The following AHRR variants were observed in gnomAD, a reference collection of about 807,000 sequenced individuals.
AHRR encodes the protein aryl hydrocarbon receptor repressor, also known as ahR repressor.
In AHRR, 28 loss-of-function variants were observed where a neutral mutation model predicts 44.0. That is an observed-to-expected ratio of 0.64 (90% CI 0.47 to 0.87). The LOEUF (loss-of-function observed/expected upper bound fraction) is 0.87. AHRR is among the 40% of genes least tolerant of loss of function. The pLI is 0.00. For synonymous variants in AHRR, 434 were observed against 407.0 expected, an observed-to-expected ratio of 1.07 and a Z score of -0.80; for missense variants, 990 against 953.9, an observed-to-expected ratio of 1.04 and a Z score of -0.50.
intron 3 of AHRR, among the ~76,000 whole-genome samples, chr5:354,991 C>T (rs1249868952): frequency 2.6e-5 from 4 of 152,362 alleles, no homozygotes; most frequent in East Asian, 1.9e-4. Flanking sequence ...CCCGGCTGGC[C>T]GCAGCCTCCA....
At chr5:369,915 G>C (rs966494832) in intron 3 of AHRR, among the ~76,000 whole-genome samples, 9 of 152,250 alleles carry the variant, frequency 5.9e-5, no homozygotes, top group Non-Finnish European at 1.3e-4. Flanking sequence ...CGAAAGCCTT[G>C]AGGCTCTGGT....
At chr5:432,695 G>C in intron 9 of AHRR, 111 bp from the exon 10 acceptor site, 2 of 1,570,588 alleles carry the variant, frequency 1.3e-6, no homozygotes, top group Non-Finnish European at 1.7e-6. Context: ...GCTCTGGTCT[G>C]TGCATTTCTG....
intron 7 of AHRR, among the ~76,000 whole-genome samples, chr5:424,591 T>C (rs1193309851): frequency 1.3e-5 from 2 of 151,922 alleles, no homozygotes; most frequent in South Asian, 4.2e-4. Flanking sequence ...TCGATGAGAA[T>C]GTAAAACTCT....
At chr5:355,367 A>G (rs1442536280) in intron 3 of AHRR, among the ~76,000 whole-genome samples, 1 of 152,180 alleles carries the variant, frequency 6.6e-6, no homozygotes, top group African/African-American at 2.4e-5. Context: ...CACGCCTTTC[A>G]TGGATGGCGC....
chr5:430,436 C>T (rs200193478), intron 8 of AHRR, among the ~76,000 whole-genome samples: 6 of 152,250 alleles, frequency 3.9e-5, no homozygotes, highest in East Asian at 3.8e-4. Context: ...GCAGAGGATA[C>T]GGCCGAGGGC....
chr5:399,515 G>A (rs1023938114), intron 4 of AHRR, among the ~76,000 whole-genome samples: 1 of 152,220 alleles, frequency 6.6e-6, no homozygotes, highest in South Asian at 2.1e-4. Context: ...CAGAGACAGC[G>A]GGTGCTGCCC....
At chr5:345,181 GAT>G (rs1491268671) in intron 2 of AHRR, among the ~76,000 whole-genome samples, 1 of 7,368 alleles carries the variant, frequency 1.4e-4, no homozygotes, top group Non-Finnish European at 2.7e-4. Flanking sequence ...TGTGTGTGGG[GAT>G]GTGTGTGTGT....
intron 1 of AHRR, chr5:322,540 C>T (rs1163748750): frequency 2.0e-5 from 3 of 152,108 alleles, no homozygotes; most frequent in African/African-American, 7.2e-5. Flanking sequence ...CACAGGCTCT[C>T]GTCTGCGGGG....
intron 4 of AHRR, among the ~76,000 whole-genome samples, chr5:391,372 A>AC (rs1560904203): frequency 9.1e-6 from 1 of 109,944 alleles, no homozygotes; most frequent in Non-Finnish European, 1.7e-5. Context: ...CAGAGCGTGC[A>AC]TGGGCGCAGG....
At chr5:329,976 G>A (rs550636306) in intron 1 of AHRR, among the ~76,000 whole-genome samples, 5 of 152,140 alleles carry the variant, frequency 3.3e-5, no homozygotes, top group Non-Finnish European at 7.4e-5. Flanking sequence ...CTGCCTGATC[G>A]CTCTGGATAG....
Position 427,751 on chromosome 5 carries a change from C to T in AHRR, c.709-56C>T. ...CGCCCTTGAGTTCTGTGTCCTGTGA[C>T]CACCTTGCCAGGCCACTTGGTGAAC... On this transcript the variant is annotated intron_variant, in intron 7 of 10. Coordinates refer to ENST00000684583, the MANE Select transcript of AHRR (RefSeq NM_001377236.1). 2.5e-6 allele frequency: 4 copies of T among 1,611,926 alleles called. No homozygotes were observed. The South Asian group carries it at 3.3e-5, about 13-fold the overall frequency.
intron 3 of AHRR, among the ~76,000 whole-genome samples, chr5:367,171 TG>T (rs1017173758): frequency 6.6e-6 from 1 of 152,214 alleles, no homozygotes; most frequent in Admixed American, 6.5e-5. Context: ...AGTGAGTCCC[TG>T]GGGGGTCGCC....
At position 370,250 on chromosome 5, in the gene AHRR, G is replaced by C. The variant is rs960613570; in HGVS notation, c.245-6360G>C. 6.7e-6 allele frequency among the ~76,000 whole-genome samples: 1 copy of C among 150,152 alleles called. No individual in the cohort carries two copies. Among genetic ancestry groups the C allele is most frequent in the Non-Finnish European group, 1.5e-5 (1 of 67,360 alleles). On this transcript the variant is annotated intron_variant, in intron 3 of 10. Coordinates refer to ENST00000684583, the MANE Select transcript of AHRR (RefSeq NM_001377236.1). This position sits in a 1 kb window ranked among gnomAD's most constrained non-coding sequence, Gnocchi z 4.5. ...GCCCCGTCCTCCCGGGCCCTCGCTG[G>C]TGCCCCGACCTCCTGGGCCCTCGCT...
intron 4 of AHRR, among the ~76,000 whole-genome samples, chr5:377,520 C>G (rs1372934792): frequency 6.6e-6 from 1 of 152,140 alleles, no homozygotes; most frequent in East Asian, 1.9e-4. Context: ...CAGGAGGGCA[C>G]CAGCCAACCC....
At chr5:324,188 T>G (rs985574437) in intron 1 of AHRR, among the ~76,000 whole-genome samples, 1 of 151,500 alleles carries the variant, frequency 6.6e-6, no homozygotes, top group African/African-American at 2.4e-5. Context: ...GCCTCCCAAG[T>G]AGCTGGGACT....
At chr5:363,789 G>C (rs1482250740) in intron 3 of AHRR, among the ~76,000 whole-genome samples, 1 of 152,166 alleles carries the variant, frequency 6.6e-6, no homozygotes, top group Admixed American at 6.5e-5. Flanking sequence ...GTTGGGTGGG[G>C]ACAGACTGAG....
chr5:433,252 C>T (rs919784196), intron 10 of AHRR, among the ~76,000 whole-genome samples: 2 of 152,126 alleles, frequency 1.3e-5, no homozygotes, highest in African/African-American at 4.8e-5. Context: ...GGTCACCCGG[C>T]TCCAACCTCA....
At chr5:350,488 C>G (rs980031354) in intron 2 of AHRR, among the ~76,000 whole-genome samples, 1 of 152,212 alleles carries the variant, frequency 6.6e-6, no homozygotes, top group Non-Finnish European at 1.5e-5. Flanking sequence ...CTAGGCTTCT[C>G]GTATCCTGTC....
chr5:434,235 C>T lies in AHRR; in HGVS notation c.1495C>T (p.Arg499Cys), dbSNP rs374889904. Residue 499 changes from arginine (R) to cysteine (C), a missense_variant, in exon 11 of 11, where the codon CGT becomes TGT. By Grantham distance (180) the Arg-to-Cys change is radical. Coordinates refer to ENST00000684583, the MANE Select transcript of AHRR (RefSeq NM_001377236.1). ...CCAGCTCCCTCAGCCTGGAGCTCAG[C>T]GTTTTGCCACGAGGGGCTATCCCAT... ...QHQLPQPGAQRFATRGYPMED... is the reference protein window; with the variant it reads ...QHQLPQPGAQCFATRGYPMED... The T allele has an allele frequency of 5.0e-6, 8 of 1,591,004 alleles. No individual in the cohort carries two copies. In the Admixed American group the frequency reaches 5.2e-5, roughly 10 times the overall value.
Sources: gnomAD v4.1 joint callset for allele counts (sites outside exome capture counted in the v4.1 genomes callset) on GRCh38, gnomAD v4.1.1 for gene constraint, Gnocchi (gnomAD v3.1) non-coding constraint, MANE v1.5 for transcripts, NCBI Gene and HGNC (gene_info 2026-07-23, HGNC 2026-07-21) for gene names.